MYRFL: variants seen among roughly 807,000 people sequenced by gnomAD.
The protein encoded by MYRFL is myelin regulatory factor-like protein.
MYRFL carries 88 observed loss-of-function variants against 109.4 expected under a neutral mutation model. The observed-to-expected ratio is 0.80, with a 90% CI of 0.68 to 0.96. The LOEUF is 0.96. Among genes scored for constraint, MYRFL ranks in the 40% least tolerant of loss-of-function variants. The probability of loss-of-function intolerance (pLI) is 0.00; values close to 1 mark genes in which losing one functional copy is unlikely to be tolerated. For missense variants in MYRFL, 957 were observed against 954.9 expected, an observed-to-expected ratio of 1.00 and a Z score of -0.03; for synonymous variants, 324 against 320.9, an observed-to-expected ratio of 1.01 and a Z score of -0.10.
intron 1 of MYRFL, among the ~76,000 whole-genome samples, chr12:69,837,468 G>A (rs1162576831): frequency 6.6e-6 from 1 of 152,088 alleles, no homozygotes; most frequent in African/African-American, 2.4e-5. Context: ...GTCTCCGGGG[G>A]AGTGGAGAGG....
At chr12:69,920,000 C>T (rs556439638) in intron 13 of MYRFL, among the ~76,000 whole-genome samples, 28 of 152,266 alleles carry the variant, frequency 1.8e-4, no homozygotes, top group African/African-American at 6.5e-4. Context: ...GAAATCAGCT[C>T]CTCTGCCTGG....
intron 16 of MYRFL, among the ~76,000 whole-genome samples, chr12:69,935,063 ACT>A (rs1383853157): frequency 6.6e-6 from 1 of 151,750 alleles, no homozygotes; most frequent in African/African-American, 2.4e-5. Context: ...GACACTATAA[ACT>A]CTCTCTGACA....
intron 13 of MYRFL, among the ~76,000 whole-genome samples, chr12:69,915,665 T>G (rs73339436): frequency 7.8e-4 from 119 of 152,268 alleles, no homozygotes; most frequent in African/African-American, 2.8e-3. Flanking sequence ...TTCCCCACAG[T>G]GTCCCTGTGC....
chr12:69,856,067 G>A (rs377366261), intron 2 of MYRFL, among the ~76,000 whole-genome samples: 23 of 151,484 alleles, frequency 1.5e-4, no homozygotes, highest in African/African-American at 5.1e-4. Context: ...TCCCTATGCC[G>A]TTCATTTGTG....
chr12:69,957,970 C>T (rs192984663), intron 23 of MYRFL, 28 bp downstream of exon 23: 436 of 1,522,550 alleles, frequency 2.9e-4, no homozygotes, highest in Admixed American at 6.3e-4. Flanking sequence ...CTCTCTTCCC[C>T]GCTGAGAGAG....
chr12:69,911,628 C>T lies in MYRFL; in HGVS notation c.1602+698C>T, dbSNP rs940918621. The stretch of plus-strand genomic sequence containing the variant: ...CTAAATCTGCCAGTTCCTTGCTTGT[C>T]GATGCTGTGTGTATGATTTGAGGAG... On this transcript the variant is annotated intron_variant, in intron 13 of 24. Transcript: ENST00000552032. 3.1e-4 allele frequency among the ~76,000 whole-genome samples: 47 copies of T among 152,112 alleles called. 1 individual carries two copies. The highest frequency in any genetic ancestry group is 6.0e-4 in the Non-Finnish European group (41 of 68,020).
chr12:69,856,337 G>A (rs1042913235), intron 2 of MYRFL, among the ~76,000 whole-genome samples: 1 of 151,972 alleles, frequency 6.6e-6, no homozygotes, highest in Non-Finnish European at 1.5e-5. Context: ...TCCAGTTTTG[G>A]CAATTGTAAA....
intron 10 of MYRFL, among the ~76,000 whole-genome samples, chr12:69,902,191 T>C (rs1475406028): frequency 6.6e-6 from 1 of 152,156 alleles, no homozygotes. Context: ...ACCACACACC[T>C]GGCCTCTTTC....
At chr12:69,944,258 A>C (rs1416009700) in intron 19 of MYRFL, among the ~76,000 whole-genome samples, 8 of 118,854 alleles carry the variant, frequency 6.7e-5, no homozygotes, top group African/African-American at 2.4e-4. Flanking sequence ...GGCATTATTC[A>C]CAATAGCAAA....
chr12:69,884,093 A>G (rs1592753313), intron 5 of MYRFL, among the ~76,000 whole-genome samples: 1 of 152,168 alleles, frequency 6.6e-6, no homozygotes, highest in African/African-American at 2.4e-5. Context: ...GTAAAGTATA[A>G]AATAGTGTAC....
chr12:69,838,416 T>C (rs926786214), intron 1 of MYRFL, among the ~76,000 whole-genome samples: 1 of 152,138 alleles, frequency 6.6e-6, no homozygotes, highest in African/African-American at 2.4e-5. Context: ...AATTAGACTT[T>C]CTAATAGGCC....
intron 19 of MYRFL, among the ~76,000 whole-genome samples, chr12:69,946,332 A>C (rs11177988): frequency 0.31 from 47,591 of 151,930 alleles, 7,781 homozygotes; most frequent in East Asian, 0.48. Flanking sequence ...GAAAGTTGTT[A>C]TCTCTTCCTT....
At chr12:69,893,639 A>G (rs942332896) in intron 7 of MYRFL, 125 bp from the exon 8 acceptor site, 2 of 368,336 alleles carry the variant, frequency 5.4e-6, no homozygotes, top group Non-Finnish European at 9.2e-6. Flanking sequence ...CTTTTCAGTG[A>G]CTTGTTCCTC....
intron 2 of MYRFL, among the ~76,000 whole-genome samples, chr12:69,876,866 A>G (rs1026302372): frequency 9.2e-5 from 14 of 152,104 alleles, no homozygotes; most frequent in Non-Finnish European, 1.6e-4. Flanking sequence ...TAGCTCAGCC[A>G]CAGCATTCAC....
At chr12:69,930,813 G>GA (rs61430519) in intron 15 of MYRFL, among the ~76,000 whole-genome samples, 43,303 of 127,962 alleles carry the variant, frequency 0.34, 7,123 homozygotes, top group East Asian at 0.49. Context: ...CCCTATCTAA[G>GA]AAAAAAAAAA....
chr12:69,886,860 C>CA lies in MYRFL; in HGVS notation c.598dup (p.Ser200LysfsTer2). 1.3e-6 allele frequency: 2 copies of CA among 1,535,948 alleles called. No homozygotes were observed. The highest frequency in any genetic ancestry group is 2.4e-5 in the East Asian group (1 of 40,916). ...GCAGCAGTGAAGTCCAGGACCCTGA[C>CA]AGTGAGGGACAGAACAGAATGCCTA... On this transcript the variant is annotated frameshift_variant, in exon 6 of 25. Coordinates refer to ENST00000552032, the MANE Select transcript of MYRFL (RefSeq NM_182530.3). LOFTEE classifies it high-confidence loss of function.
intron 19 of MYRFL, among the ~76,000 whole-genome samples, chr12:69,938,537 G>GATA (rs1311409331): frequency 6.6e-6 from 1 of 152,132 alleles, no homozygotes; most frequent in Non-Finnish European, 1.5e-5. Flanking sequence ...GGCCCCATAA[G>GATA]ATAATAATTG....
At chr12:69,825,962 G>A (rs1882249767) in intron 1 of MYRFL, among the ~76,000 whole-genome samples, 2 of 152,080 alleles carry the variant, frequency 1.3e-5, no homozygotes, top group South Asian at 2.1e-4. Flanking sequence ...TTGCATGAGG[G>A]AGTATGAGAA....
In MYRFL at chr12:69,958,967, A is replaced by AGTT. The variant is rs1956155167; in HGVS notation, c.*437_*438insTTG. The AGTT allele has an allele frequency of 5.9e-6, 1 of 169,866 alleles. No homozygotes were observed. The highest frequency in any genetic ancestry group is 1.7e-4 in the East Asian group (1 of 5,746). The allele number at this position is 169,866 out of a possible 1,614,324, so 10.5% of individuals were successfully genotyped here. On this transcript the variant is annotated 3_prime_UTR_variant, in exon 25 of 25. Coordinates refer to ENST00000552032, the MANE Select transcript of MYRFL (RefSeq NM_182530.3). ...GAATGTGTGATATGGTATGTGGAGG[A>AGTT]GATGTGGGGGGTGGTATCTGATACT...
Sources: gnomAD v4.1 joint callset for allele counts (sites outside exome capture counted in the v4.1 genomes callset) on GRCh38, gnomAD v4.1.1 for gene constraint, MANE v1.5 for transcripts, NCBI Gene and HGNC (gene_info 2026-07-23, HGNC 2026-07-21) for gene names.